PRKG1: variants seen among roughly 807,000 people sequenced by gnomAD.
PRKG1 encodes the protein protein kinase cGMP-dependent 1, also known as cGMP-dependent protein kinase 1.
PRKG1 carries 35 observed loss-of-function variants against 88.1 expected under a neutral mutation model. The ratio of observed to expected loss-of-function variants is 0.40; its 90% CI spans 0.30 to 0.53. The LOEUF is 0.53. Among genes scored for constraint, PRKG1 ranks in the 20% least tolerant of loss-of-function variants. The pLI is 0.59. For synonymous variants in PRKG1, 303 were observed against 292.5 expected, an observed-to-expected ratio of 1.04 and a Z score of -0.37; for missense variants, 540 against 839.8, an observed-to-expected ratio of 0.64 and a Z score of 4.41.
intron 2 of PRKG1, among the ~76,000 whole-genome samples, chr10:51,285,261 G>A (rs1840411971): frequency 1.3e-5 from 2 of 151,884 alleles, no homozygotes; most frequent in African/African-American, 4.8e-5. Context: ...TCTAGTTGAA[G>A]GATGTATTCT....
intron 3 of PRKG1, among the ~76,000 whole-genome samples, chr10:51,689,239 A>ATTATCTAT (rs56858290): frequency 6.7e-6 from 1 of 150,220 alleles, no homozygotes; most frequent in South Asian, 2.1e-4. Flanking sequence ...AAATCTATCT[A>ATTATCTAT]CTATCTATCT....
chr10:52,045,770 G>A (rs2133238129), intron 5 of PRKG1, among the ~76,000 whole-genome samples: 1 of 152,144 alleles, frequency 6.6e-6, no homozygotes, highest in East Asian at 1.9e-4. Context: ...AGGTTTTCTA[G>A]GTGCTCTGAG....
At chr10:51,525,368 C>T (rs540367566) in intron 3 of PRKG1, among the ~76,000 whole-genome samples, 94 of 152,314 alleles carry the variant, frequency 6.2e-4, no homozygotes, top group African/African-American at 2.1e-3. Context: ...AAGGTATCTT[C>T]CCTTGCACTT....
chr10:51,877,262 C>G (rs1841322743), intron 4 of PRKG1, among the ~76,000 whole-genome samples: 1 of 152,132 alleles, frequency 6.6e-6, no homozygotes, highest in East Asian at 1.9e-4. Flanking sequence ...GAGGTTCAGC[C>G]TGCCATGAAT....
chr10:52,017,850 A>G (rs1312051731), intron 5 of PRKG1, among the ~76,000 whole-genome samples: 1 of 152,174 alleles, frequency 6.6e-6, no homozygotes, highest in Non-Finnish European at 1.5e-5. Flanking sequence ...CTTTTTCCAT[A>G]ATTGCATGAA....
At chr10:51,521,438 C>T (rs1239759400) in intron 3 of PRKG1, among the ~76,000 whole-genome samples, 1 of 152,174 alleles carries the variant, frequency 6.6e-6, no homozygotes, top group Non-Finnish European at 1.5e-5. Context: ...AAGGTGAAGG[C>T]TGTTAAATTT....
chr10:51,553,107 T>A lies in PRKG1; in HGVS notation c.592+85271T>A, dbSNP rs189331638. Reference sequence around the variant, plus strand: ...CCAGATTATTTAGTACCTGAATGCATCTGAACTTTGTTTAAAGTTGATAAT... The same window carrying A: ...CCAGATTATTTAGTACCTGAATGCAACTGAACTTTGTTTAAAGTTGATAAT... On this transcript the variant is annotated intron_variant, in intron 3 of 17. Transcript: ENST00000373980. 8.6e-5 allele frequency among the ~76,000 whole-genome samples: 13 copies of A among 151,804 alleles called. No homozygotes were observed. The East Asian group carries it at 2.5e-3, about 29-fold the overall frequency.
intron 2 of PRKG1, among the ~76,000 whole-genome samples, chr10:51,466,541 C>G (rs368147575): frequency 2.6e-5 from 4 of 151,752 alleles, no homozygotes; most frequent in African/African-American, 9.7e-5. Flanking sequence ...GAATCACGTA[C>G]CACTAGTATA....
At chr10:51,649,323 T>C (rs963922503) in intron 3 of PRKG1, among the ~76,000 whole-genome samples, 1 of 152,226 alleles carries the variant, frequency 6.6e-6, no homozygotes, top group South Asian at 2.1e-4. Flanking sequence ...ATTGTTGATA[T>C]ATTAAGCACT....
chr10:51,137,233 G>A (rs551969439), intron 1 of PRKG1, among the ~76,000 whole-genome samples: 225 of 152,200 alleles, frequency 1.5e-3, no homozygotes, highest in African/African-American at 5.0e-3. Flanking sequence ...TATGGCCGTG[G>A]GGGCAGGGTG....
intron 3 of PRKG1, among the ~76,000 whole-genome samples, chr10:51,566,243 A>G (rs993907226): frequency 3.9e-5 from 6 of 152,084 alleles, no homozygotes; most frequent in Non-Finnish European, 7.4e-5. Flanking sequence ...GTTAGAACAG[A>G]ACATAGAGAC....
intron 4 of PRKG1, among the ~76,000 whole-genome samples, chr10:51,899,595 T>C (rs756442717): frequency 2.0e-5 from 3 of 149,784 alleles, no homozygotes; most frequent in Non-Finnish European, 3.0e-5. Flanking sequence ...GAGGCAGAGG[T>C]TGCAGTGAGC....
intron 5 of PRKG1, among the ~76,000 whole-genome samples, chr10:52,019,513 GGC>G (rs1293908520): frequency 4.6e-5 from 7 of 152,142 alleles, no homozygotes; most frequent in African/African-American, 1.7e-4. Context: ...CCAAGAAGAG[GGC>G]ACTCCAGGGC....
chr10:52,154,820 C>T (rs561056470), intron 8 of PRKG1, among the ~76,000 whole-genome samples: 102 of 152,202 alleles, frequency 6.7e-4, no homozygotes, highest in African/African-American at 2.3e-3. Flanking sequence ...CCTGAGTCCC[C>T]AAAGTGCCTT....
chr10:51,071,281 G>T (rs150605349), upstream of PRKG1, among the ~76,000 whole-genome samples: 838 of 152,242 alleles, frequency 5.5e-3, 7 homozygotes, highest in Middle Eastern at 0.041. Context: ...GATCTAAACA[G>T]CTGGTCAAAA....
chr10:51,645,738 A>T (rs541240450), intron 3 of PRKG1, among the ~76,000 whole-genome samples: 2 of 152,290 alleles, frequency 1.3e-5, no homozygotes, highest in African/African-American at 4.8e-5. Context: ...AGCACCTGAT[A>T]AAATATGACA....
intron 1 of PRKG1, among the ~76,000 whole-genome samples, chr10:51,104,118 G>T (rs1039243423): frequency 6.6e-6 from 1 of 152,126 alleles, no homozygotes; most frequent in Admixed American, 6.5e-5. Context: ...GAAGGGGAAA[G>T]AGGGCTGAAT....
At chr10:51,870,444 T>C (rs1007908830) in intron 4 of PRKG1, among the ~76,000 whole-genome samples, 1 of 151,844 alleles carries the variant, frequency 6.6e-6, no homozygotes, top group East Asian at 1.9e-4. Context: ...TTGTCCCTAA[T>C]GTACTGAAGT....
intron 5 of PRKG1, among the ~76,000 whole-genome samples, chr10:51,941,155 A>G (rs1842898748): frequency 6.6e-6 from 1 of 151,992 alleles, no homozygotes; most frequent in African/African-American, 2.4e-5. Flanking sequence ...TACATAGCAT[A>G]TATGTATGGT....
Sources: gnomAD v4.1 joint callset for allele counts (sites outside exome capture counted in the v4.1 genomes callset) on GRCh38, gnomAD v4.1.1 for gene constraint, MANE v1.5 for transcripts, NCBI Gene and HGNC (gene_info 2026-07-23, HGNC 2026-07-21) for gene names.